Variants in SLAMF9 observed in about 807,000 individuals in gnomAD.
SLAMF9 encodes SLAM family member 9.
SLAMF9 carries 25 observed loss-of-function variants against 30.4 expected under a neutral mutation model. The ratio of observed to expected loss-of-function variants is 0.82; its 90% CI spans 0.60 to 1.15. SLAMF9 has a LOEUF of 1.15. Ranked by LOEUF, SLAMF9 falls within the 50% of genes most tolerant of loss-of-function variation. SLAMF9 has a pLI of 0.00. For synonymous variants in SLAMF9, 129 were observed against 127.2 expected, an observed-to-expected ratio of 1.01 and a Z score of -0.09; for missense variants, 344 against 346.1, an observed-to-expected ratio of 0.99 and a Z score of 0.05.
chr1:159,963,453 A>G, the SLAMF9 span, among the ~76,000 whole-genome samples: 1 of 152,216 alleles, frequency 6.6e-6, no homozygotes, highest in Non-Finnish European at 1.5e-5. Context: ...GGTGTTTTCC[A>G]TGCCAGTCAC....
the SLAMF9 span, among the ~76,000 whole-genome samples, chr1:159,963,862 C>T: frequency 6.6e-6 from 1 of 152,094 alleles, no homozygotes; most frequent in African/African-American, 2.4e-5. Flanking sequence ...AGTTCAAAAC[C>T]AGCCTGGCCA....
At chr1:159,973,088 C>T in the SLAMF9 span, 3 of 1,498,726 alleles carry the variant, frequency 2.0e-6, no homozygotes, top group East Asian at 4.9e-5. Flanking sequence ...AGTCTCCCTC[C>T]TTGACTCCTG....
chr1:159,965,466 ACT>A, the SLAMF9 span: 4 of 152,048 alleles, frequency 2.6e-5, no homozygotes, highest in African/African-American at 7.2e-5. Context: ...AAGATTCAAC[ACT>A]CTGATGACAA....
At position 159,953,531 on chromosome 1, in the gene SLAMF9, A is replaced by C; in HGVS notation, c.169T>G (p.Ser57Ala). ...DEEVENIIWSSHKSLATVVPG... is the reference protein window; with the variant it reads ...DEEVENIIWSAHKSLATVVPG... ...ACCACAGTGGCAAGACTTTTGTGAG[A>C]GGACCAGATGATGTTCTCAACCTCT... Residue 57 changes from serine to alanine, a missense_variant, in exon 2 of 4, where the codon TCT (serine) becomes GCT (alanine). By Grantham distance (99) the Ser-to-Ala change is moderately conservative. Transcript: ENST00000368093. 1 of 1,614,218 alleles carries C rather than the reference A, an allele frequency of 6.2e-7. No individual in the cohort carries two copies. The highest frequency in any genetic ancestry group is 8.5e-7 in the Non-Finnish European group (1 of 1,180,034).
the SLAMF9 span, among the ~76,000 whole-genome samples, chr1:159,970,920 G>A: frequency 2.0e-5 from 3 of 152,284 alleles, no homozygotes; most frequent in East Asian, 1.9e-4. Flanking sequence ...GGAAAGAAGC[G>A]CACAGAGTCC....
the SLAMF9 span, chr1:159,973,968 A>T: frequency 9.9e-6 from 16 of 1,611,050 alleles, no homozygotes; most frequent in Non-Finnish European, 1.4e-5. Flanking sequence ...GTAGAACTTC[A>T]CCTGAGACAG....
chr1:159,983,258 A>G, the SLAMF9 span: 1 of 152,028 alleles, frequency 6.6e-6, no homozygotes, highest in East Asian at 1.9e-4. Context: ...CAGCACTTCT[A>G]TCAGTTCACC....
In SLAMF9 at chr1:159,954,108, G is replaced by T. The variant is rs1239602362; in HGVS notation, c.30C>A (p.Leu10=). Residue 10 remains leucine, a synonymous_variant, in exon 1 of 4, where the codon CTC becomes CTA. Transcript: ENST00000368093. ...TTCACTCACCCTCCTGGAGCAGCAGGAGAAGAAGCAGCCAAGGAAAGGCAC... is the reference window on the plus strand; with the variant it reads ...TTCACTCACCCTCCTGGAGCAGCAGTAGAAGAAGCAGCCAAGGAAAGGCAC... MCAFPWLLL[L]LLLQEGSQRR... 9.3e-6 allele frequency: 15 copies of T among 1,613,866 alleles called. No individual in the cohort carries two copies. In the South Asian group the frequency reaches 1.6e-4, roughly 18 times the overall value.
the SLAMF9 span, among the ~76,000 whole-genome samples, chr1:159,968,788 C>T: frequency 8.5e-5 from 13 of 152,154 alleles, no homozygotes; most frequent in South Asian, 2.1e-4. Flanking sequence ...CGGTGGCTCA[C>T]GCCTGTAATC....
In SLAMF9 at chr1:159,951,578, C is replaced by T; in HGVS notation, c.*83G>A. The T allele has an allele frequency of 7.3e-7, 1 of 1,373,964 alleles. No homozygotes were observed. Among genetic ancestry groups the T allele is most frequent in the Non-Finnish European group, 1.0e-6 (1 of 980,718 alleles). The allele number at this position is 1,373,964 out of a possible 1,614,324, so 85.1% of individuals were successfully genotyped here. ...GATACCCACCCCTGAGCACCTCCTT[C>T]CCCTGGAAAGAAGAGAGCTGAGGAA... On this transcript the variant is annotated 3_prime_UTR_variant, in exon 4 of 4. Transcript: ENST00000368093.
At chr1:159,963,468 T>A in the SLAMF9 span, among the ~76,000 whole-genome samples, 3 of 152,198 alleles carry the variant, frequency 2.0e-5, no homozygotes, top group Non-Finnish European at 4.4e-5. Flanking sequence ...AGTCACCTGT[T>A]CACCAGATCA....
At position 159,951,755 on chromosome 1, in the gene SLAMF9, A is replaced by C. The variant is rs780608432; in HGVS notation, c.776T>G (p.Val259Gly). Reference protein sequence around the residue: ...ILAMGLWVIRVQKRHKMPRMK... With the variant: ...ILAMGLWVIRGQKRHKMPRMK... The stretch of plus-strand genomic sequence containing the variant: ...CCTTGGCATTTTGTGTCTTTTCTGG[A>C]CTCGGATGACCCAGAGTCCCATGGC... Residue 259 changes from valine (V) to glycine (G), a missense_variant, in exon 4 of 4, where the codon GTC becomes GGC. Transcript: ENST00000368093. 5.0e-6 allele frequency: 8 copies of C among 1,613,898 alleles called. No homozygotes were observed. The African/African-American group carries it at 1.1e-4, about 22-fold the overall frequency.
upstream of SLAMF9, among the ~76,000 whole-genome samples, chr1:159,954,596 C>T (rs1233763393): frequency 2.0e-5 from 3 of 152,178 alleles, no homozygotes; most frequent in Admixed American, 1.3e-4. Context: ...ATCTATATCT[C>T]CCCAGACAGA....
the SLAMF9 span, among the ~76,000 whole-genome samples, chr1:159,963,591 C>T: frequency 6.6e-6 from 1 of 152,186 alleles, no homozygotes; most frequent in African/African-American, 2.4e-5. Flanking sequence ...GGTTCATGCA[C>T]ATACATACCC....
the SLAMF9 span, chr1:159,976,936 GAA>G: frequency 2.0e-4 from 1 of 4,988 alleles, no homozygotes; most frequent in African/African-American, 2.7e-4. Context: ...AAGAAAGAAA[GAA>G]AGAAAGAAAG....
the SLAMF9 span, among the ~76,000 whole-genome samples, chr1:159,963,223 T>C: frequency 6.6e-6 from 1 of 152,198 alleles, no homozygotes; most frequent in African/African-American, 2.4e-5. Flanking sequence ...TGGTTATTAC[T>C]GAAGGTTGGT....
chr1:159,951,606 A>T lies in SLAMF9; in HGVS notation c.*55T>A. 1 of 1,545,844 alleles carries T rather than the reference A, an allele frequency of 6.5e-7. No individual in the cohort carries two copies. ...CTGGAAAGAAGAGAGCTGAGGAAGGATTCTCTGGGTGCTGGGAAGAAACCA... is the reference window on the plus strand; with the variant it reads ...CTGGAAAGAAGAGAGCTGAGGAAGGTTTCTCTGGGTGCTGGGAAGAAACCA... On this transcript the variant is annotated 3_prime_UTR_variant, in exon 4 of 4. Transcript: ENST00000368093.
At chr1:159,966,358 A>G in the SLAMF9 span, among the ~76,000 whole-genome samples, 1 of 152,166 alleles carries the variant, frequency 6.6e-6, no homozygotes, top group Non-Finnish European at 1.5e-5. Context: ...TTATCCACTG[A>G]TGAACATTTA....
chr1:159,967,817 C>T, the SLAMF9 span, among the ~76,000 whole-genome samples: 1 of 152,064 alleles, frequency 6.6e-6, no homozygotes, highest in Non-Finnish European at 1.5e-5. Context: ...AGTCTTTCAC[C>T]TCCTTAGTTA....
Sources: allele counts gnomAD v4.1 joint callset (sites outside exome capture counted in the v4.1 genomes callset), GRCh38; gene constraint gnomAD v4.1.1; transcripts MANE v1.5; gene names NCBI Gene and HGNC (gene_info 2026-07-23, HGNC 2026-07-21).